Variants in PRDM2 observed in about 807,000 individuals in gnomAD.
The protein encoded by PRDM2 is PR domain zinc finger protein 2.
In PRDM2, 30 loss-of-function variants were observed where a neutral mutation model predicts 130.0. That is an observed-to-expected ratio of 0.23 (90% CI 0.17 to 0.31). The LOEUF (loss-of-function observed/expected upper bound fraction) is 0.31, where lower values mean the gene tolerates loss of function less well. PRDM2 is among the 10% of genes least tolerant of loss of function. PRDM2 has a pLI of 1.00. For synonymous variants in PRDM2, 871 were observed against 782.4 expected (o/e 1.11, Z -1.89); for missense variants, 2,011 against 2,108.4 (o/e 0.95, Z 0.90).
Position 13,715,629 on chromosome 1 carries a change from C to G in PRDM2, c.9+15C>G, listed in dbSNP as rs1416716464. ...AAATGAATCAGGTGAGTTTAAAAAT[C>G]AGAATTTATACAAATACATGACCTA... On this transcript the variant is annotated intron_variant, in intron 2 of 9. Coordinates refer to ENST00000311066, the MANE Select transcript of PRDM2 (RefSeq NM_001393986.1). 1.3e-6 allele frequency: 2 copies of G among 1,586,756 alleles called. No homozygotes were observed.
intron 1 of PRDM2, among the ~76,000 whole-genome samples, chr1:13,700,675 G>A (rs1315439163): frequency 2.0e-5 from 3 of 151,914 alleles, no homozygotes; most frequent in Non-Finnish European, 2.9e-5. Context: ...GGCCCCACGT[G>A]GGGCCGGGCG....
chr1:13,817,953 C>CT (rs1645283658), intron 9 of PRDM2, among the ~76,000 whole-genome samples: 1 of 152,122 alleles, frequency 6.6e-6, no homozygotes, highest in South Asian at 2.1e-4. Flanking sequence ...TGAGCAAATC[C>CT]TGAGTTTACA....
chr1:13,814,273 G>T (rs1324774611), intron 8 of PRDM2, among the ~76,000 whole-genome samples: 1 of 152,134 alleles, frequency 6.6e-6, no homozygotes, highest in African/African-American at 2.4e-5. Flanking sequence ...TGGGTCCTCC[G>T]TTTCCTCCTT....
At chr1:13,816,372 T>C in intron 8 of PRDM2, 55 bp from the exon 9 acceptor site, 1 of 1,603,508 alleles carries the variant, frequency 6.2e-7, no homozygotes, top group Non-Finnish European at 8.5e-7. Flanking sequence ...CAGCAATGTC[T>C]AGGGCACCGG....
intron 1 of PRDM2, among the ~76,000 whole-genome samples, chr1:13,700,694 A>G (rs929023095): frequency 6.6e-6 from 1 of 151,868 alleles, no homozygotes; most frequent in Admixed American, 6.5e-5. Flanking sequence ...CGCCGTCCCA[A>G]TTGTCAAGCC....
At chr1:13,745,519 G>C (rs529145931) in intron 5 of PRDM2, among the ~76,000 whole-genome samples, 5 of 151,618 alleles carry the variant, frequency 3.3e-5, no homozygotes, top group African/African-American at 1.2e-4. Flanking sequence ...CCGCCTCCCA[G>C]GTTCAAGCGA....
At chr1:13,798,515 G>A (rs989262502) in intron 8 of PRDM2, among the ~76,000 whole-genome samples, 3 of 152,184 alleles carry the variant, frequency 2.0e-5, no homozygotes, top group East Asian at 1.9e-4. Flanking sequence ...ACAGCACAGT[G>A]TATTAATTCA....
At chr1:13,721,102 G>T (rs1642713553) in intron 2 of PRDM2, among the ~76,000 whole-genome samples, 1 of 152,136 alleles carries the variant, frequency 6.6e-6, no homozygotes, top group South Asian at 2.1e-4. Context: ...CATAGGAGTG[G>T]AATACATATA....
chr1:13,786,395 T>A, intron 8 of PRDM2: 3 of 1,367,238 alleles, frequency 2.2e-6, no homozygotes, highest in Non-Finnish European at 3.0e-6. Flanking sequence ...CCTTCAGTCA[T>A]GTATGTGTTG....
chr1:13,786,853 A>C, intron 8 of PRDM2: 1 of 1,107,872 alleles, frequency 9.0e-7, no homozygotes, highest in Non-Finnish European at 1.1e-6. Context: ...GGCACGTAGC[A>C]GAGAAAGGAT....
intron 8 of PRDM2, among the ~76,000 whole-genome samples, chr1:13,793,377 C>CTAGG (rs1045547869): frequency 4.7e-4 from 71 of 152,336 alleles, no homozygotes; most frequent in African/African-American, 1.7e-3. Context: ...AAAAACAGAC[C>CTAGG]TAGGGAGGCA....
In PRDM2 at chr1:13,750,033, C is replaced by T. The variant is rs766571206; in HGVS notation, c.511+546C>T. ...GGAGGCGGCGGGGAGGGCAGGGAGA[C>T]TGCGGGTGCGGTGGGCTTCCGAAAG... On this transcript the variant is annotated intron_variant, in intron 6 of 9. Coordinates refer to ENST00000311066, the MANE Select transcript of PRDM2 (RefSeq NM_001393986.1). Among the ~76,000 whole-genome samples, 6 of 152,336 alleles carry T rather than the reference C, an allele frequency of 3.9e-5. No homozygotes were observed. The East Asian group carries it at 1.2e-3, about 29-fold the overall frequency.
rs369206254 is a variant in PRDM2 at position 13,779,093 on chromosome 1, G to A, written c.1298G>A (p.Gly433Asp). The change falls in exon 8 of 10, where the codon GGC becomes GAC. Residue 433 changes from glycine (G) to aspartate (D), a missense_variant. By Grantham distance (94) the Gly-to-Asp change is moderately conservative (BLOSUM62 -1). Coordinates refer to ENST00000311066, the MANE Select transcript of PRDM2 (RefSeq NM_001393986.1). The surrounding 1 kb of genome is among the most constrained non-coding windows in gnomAD (Gnocchi z 4.9). Reference sequence around the variant, plus strand: ...CAGCCGTCAGAGGATCTGGCTGATGGCAAAGCATCTGGAGAAAACGTTGCT... The same window carrying A: ...CAGCCGTCAGAGGATCTGGCTGATGACAAAGCATCTGGAGAAAACGTTGCT... ...TLQPSEDLADGKASGENVASK... is the reference protein window; with the variant it reads ...TLQPSEDLADDKASGENVASK... The A allele has an allele frequency of 4.2e-5, 68 of 1,614,196 alleles. No individual in the cohort carries two copies. The East Asian group carries it at 7.4e-4, about 17-fold the overall frequency.
intron 6 of PRDM2, among the ~76,000 whole-genome samples, chr1:13,766,597 G>A (rs991036281): frequency 3.3e-5 from 5 of 152,304 alleles, no homozygotes; most frequent in East Asian, 1.9e-4. Context: ...CTGTTGGGAA[G>A]CCCGTGTCCT....
chr1:13,714,626 T>C (rs1292248482), intron 1 of PRDM2, among the ~76,000 whole-genome samples: 1 of 152,224 alleles, frequency 6.6e-6, no homozygotes, highest in Admixed American at 6.5e-5. Context: ...AGAATGTCAC[T>C]AAATTATGTA....
chr1:13,789,247 T>C (rs942022333), intron 8 of PRDM2, among the ~76,000 whole-genome samples: 2 of 152,244 alleles, frequency 1.3e-5, no homozygotes, highest in Admixed American at 6.5e-5. Context: ...TCCATCCCTG[T>C]TACCATTGAA....
At chr1:13,787,274 T>C (rs1334021195) in intron 8 of PRDM2, 1 of 983,258 alleles carries the variant, frequency 1.0e-6, no homozygotes, top group East Asian at 1.1e-4. Context: ...ATCCCAGGCC[T>C]GTACAGATGT....
chr1:13,749,475 A>T lies in PRDM2; in HGVS notation c.499A>T (p.Lys167Ter). The T allele has an allele frequency of 6.9e-7, 1 of 1,458,416 alleles. No individual in the cohort carries two copies. The highest frequency in any genetic ancestry group is 9.2e-7 in the Non-Finnish European group (1 of 1,088,092). 90.3% of individuals were successfully genotyped at this position (1,458,416 alleles called of 1,614,324 possible). ...ASARSKRSSP[K>*]SRKGKKKSQE... ...CGCCCGGAGCAAGCGGAGCTCCCCC[A>T]AGAGCCGGAAAGGTAGGAGCCCCCC... is the stretch of plus-strand genomic sequence containing the variant. The change falls in exon 6 of 10, where the codon AAG becomes TAG. Residue 167 changes from lysine to a stop codon, truncating the protein, a stop_gained. Transcript: ENST00000311066. LOFTEE classifies it high-confidence loss of function.
chr1:13,783,186 C>T (rs545278076), intron 8 of PRDM2: 9 of 525,898 alleles, frequency 1.7e-5, no homozygotes, highest in African/African-American at 5.7e-5. Context: ...TCTTATTTTC[C>T]GATCATAGAA....
Sources: allele counts gnomAD v4.1 joint callset (sites outside exome capture counted in the v4.1 genomes callset), GRCh38; gene constraint gnomAD v4.1.1; non-coding constraint Gnocchi (gnomAD v3.1); transcripts MANE v1.5; gene names NCBI Gene and HGNC (gene_info 2026-07-23, HGNC 2026-07-21).